PAPSS1: variants seen among roughly 807,000 people sequenced by gnomAD.
PAPSS1 encodes the protein bifunctional 3'-phosphoadenosine 5'-phosphosulfate synthase 1.
A neutral mutation model predicts 72.0 loss-of-function variants in PAPSS1; 50 were observed. The ratio of observed to expected loss-of-function variants is 0.69; its 90% CI spans 0.55 to 0.88. The LOEUF is 0.88. Ranked by LOEUF, PAPSS1 falls within the 40% of genes least tolerant of loss-of-function variation. The probability of loss-of-function intolerance (pLI) is 0.00; values close to 1 mark genes in which losing one functional copy is unlikely to be tolerated. For missense variants in PAPSS1, 657 were observed against 782.2 expected (o/e 0.84, Z 1.91); for synonymous variants, 261 against 263.6 (o/e 0.99, Z 0.09).
At chr4:107,655,621 T>C (rs1367332404) in intron 7 of PAPSS1, among the ~76,000 whole-genome samples, 1 of 152,226 alleles carries the variant, frequency 6.6e-6, no homozygotes, top group East Asian at 1.9e-4. Context: ...ACATTCATAT[T>C]TGGACTATTT....
intron 4 of PAPSS1, among the ~76,000 whole-genome samples, chr4:107,683,853 T>C (rs1225719852): frequency 1.3e-5 from 2 of 152,090 alleles, no homozygotes; most frequent in Non-Finnish European, 2.9e-5. Flanking sequence ...ATAGAGTTGA[T>C]AGGGAACTTG....
At chr4:107,654,651 T>C (rs752652985) in intron 8 of PAPSS1, 44 bp downstream of exon 8, 1 of 1,487,486 alleles carries the variant, frequency 6.7e-7, no homozygotes. Flanking sequence ...AGCACAAACA[T>C]CATTGGCAAA....
rs377411758 is a variant in PAPSS1, at chr4:107,621,674, GCA to G, written c.1737-7289_1737-7288del. On this transcript the variant is annotated intron_variant, in intron 11 of 11. Coordinates refer to ENST00000265174, the MANE Select transcript of PAPSS1 (RefSeq NM_005443.5). ...CTTGCTCTGTCACCCAGGCTGGAGT[GCA>G]GTGGCACGATATCAGCTCACTGCAA... 7.7e-4 allele frequency among the ~76,000 whole-genome samples: 97 copies of G among 125,164 alleles called. 2 individuals carry two copies. The highest frequency in any genetic ancestry group is 7.5e-3 in the East Asian group (30 of 3,998). The allele number at this position is 125,164 out of a possible 152,430, so 82.1% of individuals were successfully genotyped here. A position where few individuals can be genotyped will look rare whatever the true frequency, so the allele number is the denominator to read the frequency against.
At chr4:107,702,828 A>G (rs1351693960) in intron 1 of PAPSS1, among the ~76,000 whole-genome samples, 2 of 152,226 alleles carry the variant, frequency 1.3e-5, no homozygotes, top group Non-Finnish European at 2.9e-5. Flanking sequence ...GAGAATGCCA[A>G]TATCTACTCT....
intron 1 of PAPSS1, among the ~76,000 whole-genome samples, chr4:107,712,716 C>T (rs1409882992): frequency 2.0e-5 from 3 of 151,780 alleles, no homozygotes; most frequent in East Asian, 4.0e-4. Context: ...CTGCTCAAAA[C>T]GCAAAAATTA....
chr4:107,657,894 C>T (rs1560574805), intron 6 of PAPSS1, among the ~76,000 whole-genome samples: 2 of 152,094 alleles, frequency 1.3e-5, no homozygotes, highest in African/African-American at 2.4e-5. Context: ...ATCTGTAAAG[C>T]TGCATTTTAT....
intron 5 of PAPSS1, among the ~76,000 whole-genome samples, chr4:107,675,650 T>C (rs1024597729): frequency 2.6e-4 from 39 of 152,126 alleles, no homozygotes; most frequent in Admixed American, 2.1e-3. Flanking sequence ...TTCCAATCAA[T>C]AGAAAAAGAG....
At chr4:107,633,022 C>T (rs553428051) in intron 10 of PAPSS1, among the ~76,000 whole-genome samples, 3 of 152,332 alleles carry the variant, frequency 2.0e-5, no homozygotes, top group African/African-American at 7.2e-5. Flanking sequence ...TTGAATTGTT[C>T]ACCCTGAGGG....
chr4:107,627,349 A>G (rs981905270), intron 11 of PAPSS1, among the ~76,000 whole-genome samples: 3 of 152,190 alleles, frequency 2.0e-5, no homozygotes, highest in Non-Finnish European at 2.9e-5. Flanking sequence ...TAGCAACTTA[A>G]GGAAGTTAAT....
chr4:107,715,240 G>A (rs1283892681), intron 1 of PAPSS1, among the ~76,000 whole-genome samples: 7 of 152,316 alleles, frequency 4.6e-5, no homozygotes, highest in Non-Finnish European at 8.8e-5. Flanking sequence ...CAAGTGGATC[G>A]TGAACCGGAC....
At chr4:107,676,342 G>C (rs898306308) in intron 5 of PAPSS1, among the ~76,000 whole-genome samples, 23 of 152,120 alleles carry the variant, frequency 1.5e-4, no homozygotes, top group Non-Finnish European at 3.4e-4. Flanking sequence ...AAAGTCTCAG[G>C]ATACAAAATC....
intron 1 of PAPSS1, chr4:107,718,398 TG>T (rs1723690666): frequency 6.6e-6 from 1 of 152,194 alleles, no homozygotes; most frequent in Admixed American, 6.5e-5. Context: ...TCAATGTTTC[TG>T]GAGTAAAAAA....
At chr4:107,666,054 T>C (rs890530159) in intron 5 of PAPSS1, among the ~76,000 whole-genome samples, 7 of 152,338 alleles carry the variant, frequency 4.6e-5, no homozygotes, top group Non-Finnish European at 8.8e-5. Context: ...TAAATTTCTG[T>C]TATCTAAACT....
At chr4:107,620,465 A>T (rs1389614613) in intron 11 of PAPSS1, among the ~76,000 whole-genome samples, 3 of 152,230 alleles carry the variant, frequency 2.0e-5, no homozygotes, top group Non-Finnish European at 4.4e-5. Context: ...TGAAAAATTG[A>T]ATTATCTAAA....
intron 11 of PAPSS1, among the ~76,000 whole-genome samples, chr4:107,627,801 C>T (rs1726136462): frequency 6.6e-6 from 1 of 152,082 alleles, no homozygotes; most frequent in Non-Finnish European, 1.5e-5. Flanking sequence ...CCTTTTATAA[C>T]TCTCAGCACA....
intron 10 of PAPSS1, among the ~76,000 whole-genome samples, chr4:107,633,364 T>C (rs1391917227): frequency 1.3e-5 from 2 of 152,208 alleles, no homozygotes; most frequent in Non-Finnish European, 2.9e-5. Flanking sequence ...CAAGAAATAT[T>C]AGCCACTATT....
chr4:107,678,674 G>A (rs942611073), intron 5 of PAPSS1, among the ~76,000 whole-genome samples: 2 of 152,094 alleles, frequency 1.3e-5, no homozygotes, highest in African/African-American at 4.8e-5. Context: ...GGGGACCGGG[G>A]GGTACCAGAC....
At chr4:107,681,203 GTTAGGACAGAA>G (rs1183423696) in intron 5 of PAPSS1, among the ~76,000 whole-genome samples, 4 of 152,276 alleles carry the variant, frequency 2.6e-5, no homozygotes, top group East Asian at 3.9e-4. Context: ...AAAACCCACA[GTTAGGACAGAA>G]TGAGGAAAGA....
chr4:107,683,166 T>A (rs1722681251), intron 4 of PAPSS1, among the ~76,000 whole-genome samples: 1 of 152,152 alleles, frequency 6.6e-6, no homozygotes, highest in Non-Finnish European at 1.5e-5. Flanking sequence ...TATGCATGAA[T>A]TTAAAATCAT....
Sources: allele counts gnomAD v4.1 joint callset (sites outside exome capture counted in the v4.1 genomes callset), GRCh38; gene constraint gnomAD v4.1.1; transcripts MANE v1.5; gene names NCBI Gene and HGNC (gene_info 2026-07-23, HGNC 2026-07-21).